Variants in ADCY8 observed in about 807,000 individuals in gnomAD.
ADCY8 encodes the protein adenylate cyclase type 8.
Under a neutral mutation model 119.7 loss-of-function variants are expected in ADCY8, and 51 were observed. The observed-to-expected ratio is 0.43, with a 90% confidence interval of 0.34 to 0.54. The LOEUF (loss-of-function observed/expected upper bound fraction) is 0.54, where lower values mean the gene tolerates loss of function less well. ADCY8 is among the 20% of genes least tolerant of loss of function. The pLI is 0.03. For synonymous variants in ADCY8, 665 were observed against 651.0 expected, an observed-to-expected ratio of 1.02 and a Z score of -0.33; for missense variants, 1,383 against 1,598.8, an observed-to-expected ratio of 0.87 and a Z score of 2.30.
In ADCY8 at chr8:131,030,399, C is replaced by T. The variant is rs577922024; in HGVS notation, c.960+8975G>A. ...CCAGGGAGGAAGATCCATACCCTTC[C>T]ACTATTTCTTCTGGAGTCTGACCTT... On this transcript the variant is annotated intron_variant, in intron 1 of 17. Coordinates refer to ENST00000286355, the MANE Select transcript of ADCY8 (RefSeq NM_001115.3). Among the ~76,000 whole-genome samples the T allele has an allele frequency of 6.6e-5, 10 of 152,338 alleles. No individual in the cohort carries two copies. The South Asian group carries it at 1.7e-3, about 25-fold the overall frequency.
At chr8:130,938,027 T>C (rs980544525) in intron 4 of ADCY8, among the ~76,000 whole-genome samples, 5 of 152,172 alleles carry the variant, frequency 3.3e-5, no homozygotes, top group Non-Finnish European at 7.3e-5. Flanking sequence ...TGCTTTTATA[T>C]TGGATAGGAA....
rs7009806 is a variant in ADCY8 at position 130,932,031 on chromosome 8, C to T, written c.1481+5042G>A. Reference sequence around the variant, plus strand: ...TTGACCTTCATCATTGTGCCTCAATCCCTGCTCAGTTGAATAAGTAAGTCC... The same window carrying T: ...TTGACCTTCATCATTGTGCCTCAATTCCTGCTCAGTTGAATAAGTAAGTCC... On this transcript the variant is annotated intron_variant, in intron 5 of 17. Transcript: ENST00000286355. Among the ~76,000 whole-genome samples, 333 of 152,234 alleles carry T rather than the reference C, an allele frequency of 2.2e-3. 1 individual carries two copies. Among genetic ancestry groups the T allele is most frequent in the African/African-American group, 7.7e-3 (320 of 41,542 alleles).
intron 5 of ADCY8, among the ~76,000 whole-genome samples, chr8:130,916,402 C>A (rs1820130194): frequency 6.6e-6 from 1 of 152,162 alleles, no homozygotes; most frequent in Non-Finnish European, 1.5e-5. Context: ...TTCCTTCAAC[C>A]CTGATCCATT....
chr8:130,800,134 G>C (rs1380413411), intron 15 of ADCY8, among the ~76,000 whole-genome samples: 1 of 152,122 alleles, frequency 6.6e-6, no homozygotes, highest in Non-Finnish European at 1.5e-5. Context: ...TGGCCTCATA[G>C]AGGCCTCTAG....
intron 11 of ADCY8, among the ~76,000 whole-genome samples, chr8:130,842,025 G>A (rs150263548): frequency 1.3e-5 from 2 of 152,284 alleles, no homozygotes; most frequent in East Asian, 1.9e-4. Context: ...TCTCCAGGGT[G>A]TTCACTGGGT....
intron 1 of ADCY8, among the ~76,000 whole-genome samples, chr8:131,025,076 G>A (rs1823782822): frequency 6.6e-6 from 1 of 152,170 alleles, no homozygotes; most frequent in Admixed American, 6.5e-5. Context: ...AAGACAGGCT[G>A]AGTGGCTTGA....
At chr8:130,853,780 A>G (rs1360644418) in intron 9 of ADCY8, among the ~76,000 whole-genome samples, 1 of 152,150 alleles carries the variant, frequency 6.6e-6, no homozygotes, top group Non-Finnish European at 1.5e-5. Context: ...CATGTGGTCC[A>G]GTGGCAAGAG....
chr8:131,012,008 GC>G (rs1277205640), intron 1 of ADCY8, among the ~76,000 whole-genome samples: 3 of 152,144 alleles, frequency 2.0e-5, no homozygotes, highest in Non-Finnish European at 4.4e-5. Flanking sequence ...GGCAGGAGTG[GC>G]CCCAATTACC....
chr8:130,918,978 C>T (rs577425967), intron 5 of ADCY8, among the ~76,000 whole-genome samples: 88 of 152,244 alleles, frequency 5.8e-4, no homozygotes, highest in Admixed American at 2.9e-3. Flanking sequence ...CAGGAGAATC[C>T]CTTGAACCCG....
chr8:130,816,152 A>T (rs1816333770), intron 13 of ADCY8, among the ~76,000 whole-genome samples: 1 of 152,202 alleles, frequency 6.6e-6, no homozygotes, highest in African/African-American at 2.4e-5. Context: ...TGAAAAGACC[A>T]TATGCAAAAG....
At chr8:130,949,872 G>T (rs1396338613) in intron 3 of ADCY8, among the ~76,000 whole-genome samples, 1 of 152,138 alleles carries the variant, frequency 6.6e-6, no homozygotes. Context: ...TCCTAGATCT[G>T]GGGCGCATCT....
At chr8:130,997,256 T>C (rs934727465) in intron 1 of ADCY8, among the ~76,000 whole-genome samples, 4 of 107,964 alleles carry the variant, frequency 3.7e-5, no homozygotes, top group African/African-American at 1.3e-4. Context: ...TATATACATA[T>C]ACATATATAA....
intron 1 of ADCY8, among the ~76,000 whole-genome samples, chr8:131,019,319 G>A (rs889616904): frequency 6.6e-6 from 1 of 152,134 alleles, no homozygotes; most frequent in Non-Finnish European, 1.5e-5. Flanking sequence ...CTATTTAAAG[G>A]CTGTGGAAGC....
At chr8:131,032,556 G>A (rs1476157896) in intron 1 of ADCY8, among the ~76,000 whole-genome samples, 1 of 151,998 alleles carries the variant, frequency 6.6e-6, no homozygotes, top group Non-Finnish European at 1.5e-5. Flanking sequence ...GGCATTTGCT[G>A]GTAGGTGGCT....
intron 2 of ADCY8, among the ~76,000 whole-genome samples, chr8:130,954,716 T>A (rs1032745779): frequency 4.6e-5 from 7 of 152,238 alleles, no homozygotes; most frequent in African/African-American, 1.4e-4. Flanking sequence ...CCTAGCAACA[T>A]GAGCACCTAG....
intron 1 of ADCY8, among the ~76,000 whole-genome samples, chr8:131,038,709 A>G (rs1174449619): frequency 6.6e-6 from 1 of 152,108 alleles, no homozygotes; most frequent in Non-Finnish European, 1.5e-5. Flanking sequence ...GCCACCCCCA[A>G]TTACTGAGGT....
At chr8:130,810,368 A>ACACACACACACACACAC (rs1554602613) in intron 14 of ADCY8, among the ~76,000 whole-genome samples, 8 of 151,560 alleles carry the variant, frequency 5.3e-5, no homozygotes, top group African/African-American at 1.7e-4. Flanking sequence ...ACACACACAC[A>ACACACACACACACACAC]CACACACACA....
chr8:130,836,384 G>A lies in ADCY8; in HGVS notation c.2568C>T (p.Val856=). 4 of 1,613,956 alleles carry A rather than the reference G, an allele frequency of 2.5e-6. No individual in the cohort carries two copies. The highest frequency in any genetic ancestry group is 2.5e-6 in the Non-Finnish European group (3 of 1,179,926). ...TCAVFLRLNS[V]LKLAVLLIMI... ...TGATCAGCAGCACTGCCAGCTTCAG[G>A]ACGGAGTTCAGCCGGAGGAAAACTG... Residue 856 remains valine (V), a synonymous_variant, in exon 12 of 18, where the codon GTC becomes GTT. Coordinates refer to ENST00000286355, the MANE Select transcript of ADCY8 (RefSeq NM_001115.3).
chr8:130,809,875 G>A (rs983843996), intron 14 of ADCY8, among the ~76,000 whole-genome samples: 2 of 152,234 alleles, frequency 1.3e-5, no homozygotes, highest in Non-Finnish European at 2.9e-5. Context: ...TGTGGCCAGG[G>A]ACATACACAA....
Sources: gnomAD v4.1 joint callset for allele counts (sites outside exome capture counted in the v4.1 genomes callset) on GRCh38, gnomAD v4.1.1 for gene constraint, MANE v1.5 for transcripts, NCBI Gene and HGNC (gene_info 2026-07-23, HGNC 2026-07-21) for gene names.